The following USH2A variants were observed in gnomAD, a reference collection of about 807,000 sequenced individuals.
USH2A encodes the protein Usher syndrome 2A (autosomal recessive, mild).
Under a neutral mutation model 538.9 loss-of-function variants are expected in USH2A, and 443 were observed. The observed-to-expected ratio is 0.82, with a 90% CI of 0.76 to 0.89. The LOEUF (loss-of-function observed/expected upper bound fraction) is 0.89, where lower values mean the gene tolerates loss of function less well. Ranked by LOEUF, USH2A falls within the 40% of genes least tolerant of loss-of-function variation. USH2A has a pLI of 0.00. For missense variants in USH2A, 6,633 were observed against 6,324.8 expected, an observed-to-expected ratio of 1.05 and a Z score of -1.65; for synonymous variants, 2,413 against 2,273.5, an observed-to-expected ratio of 1.06 and a Z score of -1.75.
chr1:216,020,802 A>G (rs1159717855), intron 32 of USH2A, among the ~76,000 whole-genome samples: 2 of 152,160 alleles, frequency 1.3e-5, no homozygotes. Flanking sequence ...AAAAGCCCCT[A>G]AACAGAATTT....
At chr1:215,679,735 G>A (rs950576971) in intron 62 of USH2A, among the ~76,000 whole-genome samples, 10 of 152,186 alleles carry the variant, frequency 6.6e-5, no homozygotes, top group Non-Finnish European at 1.3e-4. Context: ...CAAGTCTTAA[G>A]CAAATAACTG....
rs2034441245 is a variant in USH2A at position 216,178,956 on chromosome 1, A to G, written c.4397-3474T>C. 3.9e-5 allele frequency among the ~76,000 whole-genome samples: 6 copies of G among 152,264 alleles called. No individual in the cohort carries two copies. The South Asian group carries it at 1.0e-3, about 26-fold the overall frequency. On this transcript the variant is annotated intron_variant, in intron 20 of 71. Coordinates refer to ENST00000307340, the MANE Select transcript of USH2A (RefSeq NM_206933.4). The stretch of plus-strand genomic sequence containing the variant: ...ATTATACATATTTGGTGTGTTGAGG[A>G]TAGGATTTCCATTTTAACTAAATGT...
intron 30 of USH2A, among the ~76,000 whole-genome samples, chr1:216,068,840 A>G (rs1440280521): frequency 1.3e-5 from 2 of 152,168 alleles, no homozygotes; most frequent in African/African-American, 4.8e-5. Flanking sequence ...AACCCCTAAT[A>G]ACAACTCCAT....
chr1:216,394,964 C>T (rs1571776326), intron 3 of USH2A, among the ~76,000 whole-genome samples: 1 of 151,928 alleles, frequency 6.6e-6, no homozygotes, highest in Non-Finnish European at 1.5e-5. Flanking sequence ...GTGATCCAGC[C>T]GCCTCGGCCT....
Position 215,657,995 on chromosome 1 carries a change from G to GT in USH2A, c.14134-7195dup, listed in dbSNP as rs1034898930. Among the ~76,000 whole-genome samples the GT allele has an allele frequency of 4.1e-5, 6 of 147,176 alleles. No homozygotes were observed. In the Admixed American group the frequency reaches 4.1e-4, roughly 10 times the overall value. ...GTTGCCCAGGCTGGAGTGCAGTGGCGTGATCTCGGCTGACTGCAAGCTCCG... is the reference window on the plus strand; with the variant it reads ...GTTGCCCAGGCTGGAGTGCAGTGGCGTTGATCTCGGCTGACTGCAAGCTCCG... On this transcript the variant is annotated intron_variant, in intron 64 of 71. Coordinates refer to ENST00000307340, the MANE Select transcript of USH2A (RefSeq NM_206933.4).
At chr1:215,711,342 G>C (rs909132551) in intron 61 of USH2A, among the ~76,000 whole-genome samples, 2 of 152,144 alleles carry the variant, frequency 1.3e-5, no homozygotes, top group African/African-American at 2.4e-5. Context: ...CACAGTGCTT[G>C]TTGTAAAAAT....
intron 14 of USH2A, among the ~76,000 whole-genome samples, chr1:216,223,481 C>T (rs978892195): frequency 6.6e-6 from 1 of 152,114 alleles, no homozygotes; most frequent in South Asian, 2.1e-4. Context: ...TCTGTTTATT[C>T]CCCACCACTT....
intron 4 of USH2A, among the ~76,000 whole-genome samples, chr1:216,353,328 G>C (rs2038322305): frequency 6.6e-6 from 1 of 151,842 alleles, no homozygotes; most frequent in Non-Finnish European, 1.5e-5. Context: ...TATACAAACT[G>C]AACAAACAGA....
At position 216,196,702 on chromosome 1, in the gene USH2A, G is replaced by A. The variant is rs755867377; in HGVS notation, c.4102C>T (p.Pro1368Ser). The A allele has an allele frequency of 5.0e-6, 8 of 1,613,148 alleles. No homozygotes were observed. Among genetic ancestry groups the A allele is most frequent in the Non-Finnish European group, 6.8e-6 (8 of 1,179,490 alleles). Residue 1368 changes from proline to serine, a missense_variant, in exon 19 of 72, where the codon CCT (proline) becomes TCT (serine). Pro to Ser is a moderately conservative substitution (Grantham distance 74). Coordinates refer to ENST00000307340, the MANE Select transcript of USH2A (RefSeq NM_206933.4). ...TACGAAGAGAGGGGAAAGACTGAAG[G>A]AGGGATCATGAATACAGGTGCTATC... The part of the protein sequence containing the change: ...GESAPVFMIP[P>S]SVFPLSSYSL...
At chr1:216,038,383 T>A (rs2102517691) in intron 32 of USH2A, among the ~76,000 whole-genome samples, 1 of 152,166 alleles carries the variant, frequency 6.6e-6, no homozygotes, top group East Asian at 1.9e-4. Context: ...TCAAACTAGA[T>A]CTGGTTCAGG....
chr1:215,893,128 G>A (rs1324415626), intron 40 of USH2A, among the ~76,000 whole-genome samples: 2 of 152,098 alleles, frequency 1.3e-5, no homozygotes, highest in Non-Finnish European at 2.9e-5. Context: ...AAACTTATCT[G>A]AATTATTCCA....
At chr1:216,391,980 G>A (rs2039117437) in intron 3 of USH2A, among the ~76,000 whole-genome samples, 1 of 152,114 alleles carries the variant, frequency 6.6e-6, no homozygotes, top group Non-Finnish European at 1.5e-5. Context: ...AGTCTCATCT[G>A]TACCTTCTTA....
intron 23 of USH2A, among the ~76,000 whole-genome samples, chr1:216,088,555 G>A (rs567775484): frequency 3.3e-5 from 5 of 152,264 alleles, no homozygotes; most frequent in African/African-American, 1.2e-4. Context: ...GTAGGCTGGA[G>A]CAAAAACTAA....
intron 9 of USH2A, among the ~76,000 whole-genome samples, chr1:216,320,982 A>T (rs1405898097): frequency 6.6e-6 from 1 of 152,018 alleles, no homozygotes; most frequent in African/African-American, 2.4e-5. Flanking sequence ...TTCTGTTTGT[A>T]TTTCATTTGC....
At chr1:216,242,590 A>C (rs2035960589) in intron 13 of USH2A, among the ~76,000 whole-genome samples, 1 of 152,086 alleles carries the variant, frequency 6.6e-6, no homozygotes, top group Non-Finnish European at 1.5e-5. Flanking sequence ...TATAAAAAGA[A>C]ACAGGTTGAT....
intron 15 of USH2A, among the ~76,000 whole-genome samples, chr1:216,208,332 C>T (rs1251182142): frequency 6.6e-6 from 1 of 152,110 alleles, no homozygotes; most frequent in African/African-American, 2.4e-5. Context: ...ATCAAACATT[C>T]TCCTTAAATA....
Position 216,083,234 on chromosome 1 carries a change from T to A in USH2A, c.5298+222A>T, listed in dbSNP as rs767502242. On this transcript the variant is annotated intron_variant, in intron 26 of 71. Transcript: ENST00000307340. ...AATTCCTTATATCTAGTCTGTTTTC[T>A]TAAAATTATAATTGTTACAATTGTC... is the stretch of plus-strand genomic sequence containing the variant. The A allele has an allele frequency of 7.2e-5, 32 of 444,384 alleles. 1 individual carries two copies. Among genetic ancestry groups the A allele is most frequent in the Admixed American group, 4.4e-4 (11 of 25,286 alleles). 27.5% of individuals were successfully genotyped at this position (444,384 alleles called of 1,614,324 possible). A position where few individuals can be genotyped will look rare whatever the true frequency, so the allele number is the denominator to read the frequency against.
At chr1:216,148,863 AC>A in intron 21 of USH2A, among the ~76,000 whole-genome samples, 1 of 151,676 alleles carries the variant, frequency 6.6e-6, no homozygotes, top group East Asian at 1.9e-4. Context: ...ACTTGGACTG[AC>A]CCTGACACCC....
chr1:215,928,819 A>G (rs1028889371), intron 38 of USH2A, among the ~76,000 whole-genome samples: 4 of 152,162 alleles, frequency 2.6e-5, no homozygotes, highest in African/African-American at 9.6e-5. Context: ...TTACACAGCA[A>G]TACCCGAAAG....
Sources: gnomAD v4.1 joint callset for allele counts (sites outside exome capture counted in the v4.1 genomes callset) on GRCh38, gnomAD v4.1.1 for gene constraint, MANE v1.5 for transcripts, NCBI Gene and HGNC (gene_info 2026-07-23, HGNC 2026-07-21) for gene names.